Variants in RYR3 observed in about 807,000 individuals in gnomAD.
RYR3 encodes brain ryanodine receptor-calcium release channel.
In RYR3, 207 loss-of-function variants were observed where a neutral mutation model predicts 584.3. That is an observed-to-expected ratio of 0.35 (90% confidence interval 0.32 to 0.40). RYR3 has a LOEUF of 0.40. Ranked by LOEUF, RYR3 falls within the 10% of genes least tolerant of loss-of-function variation. RYR3 has a pLI of 1.00. For synonymous variants in RYR3, 2,416 were observed against 2,248.5 expected, an observed-to-expected ratio of 1.07 and a Z score of -2.11; for missense variants, 5,616 against 6,089.2, an observed-to-expected ratio of 0.92 and a Z score of 2.59.
intron 1 of RYR3, among the ~76,000 whole-genome samples, chr15:33,409,541 CACAG>C (rs1377561977): frequency 2.0e-5 from 3 of 152,148 alleles, no homozygotes; most frequent in Non-Finnish European, 4.4e-5. Context: ...GCCTGGCTCT[CACAG>C]ACAGGAAGTG....
Position 33,749,993 on chromosome 15 carries a change from C to A in RYR3, c.8214C>A (p.Val2738=). ...GTGGGACACAGGGAATGGTGGAGGTCGTGGCTGAGAACTATCACAATATCT... is the reference window on the plus strand; with the variant it reads ...GTGGGACACAGGGAATGGTGGAGGTAGTGGCTGAGAACTATCACAATATCT... ...LSRELQGMVE[V]VAENYHNIWA... is the part of the protein sequence containing the mutation. The change falls in exon 56 of 104, where the codon GTC becomes GTA. Residue 2738 remains valine (V), a synonymous_variant. Coordinates refer to ENST00000634891, the MANE Select transcript of RYR3 (RefSeq NM_001036.6). The A allele has an allele frequency of 1.2e-6, 2 of 1,611,894 alleles. No individual in the cohort carries two copies. Among genetic ancestry groups the A allele is most frequent in the South Asian group, 2.2e-5 (2 of 90,322 alleles).
intron 19 of RYR3, among the ~76,000 whole-genome samples, chr15:33,615,151 G>A (rs543944881): frequency 2.2e-4 from 33 of 152,294 alleles, no homozygotes; most frequent in African/African-American, 7.5e-4. Context: ...GCAGGAGACT[G>A]GAGTCAACAT....
intron 93 of RYR3, 127 bp from the exon 94 acceptor site, chr15:33,848,164 C>A: frequency 8.5e-7 from 1 of 1,179,260 alleles, no homozygotes; most frequent in Non-Finnish European, 1.2e-6. Context: ...CAACTAGGCA[C>A]TCTAAGAATT....
intron 102 of RYR3, among the ~76,000 whole-genome samples, chr15:33,863,595 T>C (rs1889320127): frequency 6.6e-6 from 1 of 152,160 alleles, no homozygotes. Flanking sequence ...AACTCAAACC[T>C]AAGATATGGA....
chr15:33,749,872 G>T, intron 55 of RYR3, 107 bp from the exon 56 acceptor site: 1 of 856,732 alleles, frequency 1.2e-6, no homozygotes. Context: ...TGCTGTTAGT[G>T]TTCAGTGGTG....
intron 43 of RYR3, among the ~76,000 whole-genome samples, chr15:33,719,445 C>T (rs563198346): frequency 2.0e-5 from 3 of 152,218 alleles, no homozygotes; most frequent in African/African-American, 7.2e-5. Flanking sequence ...CTGGTAAAAT[C>T]GGTGGCTGAC....
chr15:33,725,324 C>T (rs745798433), intron 45 of RYR3, among the ~76,000 whole-genome samples: 4 of 152,124 alleles, frequency 2.6e-5, no homozygotes, highest in African/African-American at 9.7e-5. Flanking sequence ...CACCAGGGTG[C>T]GTGGGCGGGC....
chr15:33,749,287 A>C (rs745869691), intron 55 of RYR3, among the ~76,000 whole-genome samples: 2 of 152,190 alleles, frequency 1.3e-5, no homozygotes, highest in African/African-American at 2.4e-5. Flanking sequence ...GCAGGCAGGC[A>C]ATCATTGCAG....
At chr15:33,520,987 T>C (rs949179691) in intron 3 of RYR3, among the ~76,000 whole-genome samples, 2 of 152,192 alleles carry the variant, frequency 1.3e-5, no homozygotes, top group African/African-American at 4.8e-5. Context: ...GAAATCTACA[T>C]CGATTCTCAT....
intron 2 of RYR3, among the ~76,000 whole-genome samples, chr15:33,474,594 G>A (rs2049212570): frequency 6.6e-6 from 1 of 152,136 alleles, no homozygotes; most frequent in South Asian, 2.1e-4. Context: ...AAAACCTATG[G>A]TGTCGTTTGG....
intron 28 of RYR3, among the ~76,000 whole-genome samples, chr15:33,646,129 A>C (rs948779736): frequency 6.6e-6 from 1 of 152,180 alleles, no homozygotes; most frequent in Non-Finnish European, 1.5e-5. Context: ...CCCAGTGAGC[A>C]TGTTTTTAAA....
At chr15:33,379,666 C>CCTCTCTCTCTCTCT (rs72425368) in intron 1 of RYR3, among the ~76,000 whole-genome samples, 36 of 129,314 alleles carry the variant, frequency 2.8e-4, no homozygotes, top group African/African-American at 9.7e-4. Context: ...TGTGTGTGTC[C>CCTCTCTCTCTCTCT]CTCTCTCTCT....
In RYR3 at chr15:33,742,384, A is replaced by C. The variant is rs1156880664; in HGVS notation, c.7839A>C (p.Lys2613Asn). ...TTCACAGTTTTTCCTTGCCTGAAAA[A>C]TTGGAATACATCGTCACCAAGTATG... ...INTMNFSLPEKLEYIVTKYAE... is the reference protein window; with the variant it reads ...INTMNFSLPENLEYIVTKYAE... Residue 2613 changes from lysine to asparagine, a missense_variant, in exon 52 of 104, where the codon AAA becomes AAC. By Grantham distance (94) the Lys-to-Asn change is moderately conservative. This residue lies in a region of RYR3 where 1,280 missense variants were observed against 1,426.2 expected (regional missense o/e 0.90). Coordinates refer to ENST00000634891, the MANE Select transcript of RYR3 (RefSeq NM_001036.6). 1.2e-6 allele frequency: 2 copies of C among 1,612,834 alleles called. No individual in the cohort carries two copies. The highest frequency in any genetic ancestry group is 3.3e-5 in the Admixed American group (2 of 59,992).
At chr15:33,532,988 A>G (rs1012373337) in intron 4 of RYR3, among the ~76,000 whole-genome samples, 2 of 152,116 alleles carry the variant, frequency 1.3e-5, no homozygotes, top group African/African-American at 4.8e-5. Context: ...ATGGTGGCAC[A>G]CACCTGTAGT....
At chr15:33,407,707 C>T (rs1711688345) in intron 1 of RYR3, among the ~76,000 whole-genome samples, 1 of 152,134 alleles carries the variant, frequency 6.6e-6, no homozygotes, top group South Asian at 2.1e-4. Context: ...CAGTAGAAAC[C>T]TTGACCTATG....
At chr15:33,614,703 A>G (rs1292422806) in intron 19 of RYR3, among the ~76,000 whole-genome samples, 1 of 152,068 alleles carries the variant, frequency 6.6e-6, no homozygotes, top group African/African-American at 2.4e-5. Flanking sequence ...ATGTTTATGT[A>G]TAATAATTTT....
Position 33,623,991 on chromosome 15 carries a change from T to C in RYR3, c.2542T>C (p.Ser848Pro), listed in dbSNP as rs2060855674. The change falls in exon 20 of 104, where the codon TCT (serine) becomes CCT (proline). Residue 848 changes from serine to proline, a missense_variant. By Grantham distance (74) the Ser-to-Pro change is moderately conservative. This residue lies in a region of RYR3 where 1,284 missense variants were observed against 1,344.6 expected (regional missense o/e 0.95). Coordinates refer to ENST00000634891, the MANE Select transcript of RYR3 (RefSeq NM_001036.6). ...LGTTQFLSQA[S>P]FIPCPVDTSQ... Reference sequence around the variant, plus strand: ...TACCACCCAGTTCCTCTCCCAAGCCTCTTTCATCCCATGCCCCGTAGACAC... The same window carrying C: ...TACCACCCAGTTCCTCTCCCAAGCCCCTTTCATCCCATGCCCCGTAGACAC... 1.9e-6 allele frequency: 3 copies of C among 1,613,938 alleles called. No homozygotes were observed. The East Asian group carries it at 6.7e-5, about 36-fold the overall frequency.
chr15:33,365,252 TATTA>T (rs1352912862), intron 1 of RYR3, among the ~76,000 whole-genome samples: 12 of 152,272 alleles, frequency 7.9e-5, no homozygotes, highest in African/African-American at 2.6e-4. Context: ...GATAAACATT[TATTA>T]ATTATGTGGA....
At chr15:33,450,469 A>G (rs895025325) in intron 1 of RYR3, among the ~76,000 whole-genome samples, 6 of 152,104 alleles carry the variant, frequency 3.9e-5, no homozygotes, top group Non-Finnish European at 7.4e-5. Flanking sequence ...TCTCTAAGTC[A>G]AAGTTCTCCA....
Sources: gnomAD v4.1 joint callset for allele counts (sites outside exome capture counted in the v4.1 genomes callset) on GRCh38, gnomAD v4.1.1 for gene constraint, gnomAD v4.1.1 regional missense constraint, MANE v1.5 for transcripts, NCBI Gene and HGNC (gene_info 2026-07-23, HGNC 2026-07-21) for gene names.